The following CSMD1 variants were observed in gnomAD, a reference collection of about 807,000 sequenced individuals.
CSMD1 encodes CUB and Sushi multiple domains 1.
A neutral mutation model predicts 417.5 loss-of-function variants in CSMD1; 213 were observed. That is an observed-to-expected ratio of 0.51 (90% CI 0.46 to 0.57). The LOEUF (loss-of-function observed/expected upper bound fraction) is 0.57, where lower values mean the gene tolerates loss of function less well. CSMD1 is among the 20% of genes least tolerant of loss of function. The pLI, the probability that CSMD1 is intolerant of heterozygous loss-of-function variation, is 0.00. For missense variants in CSMD1, 6,923 were observed against 4,529.7 expected, an observed-to-expected ratio of 1.53 and a Z score of -15.17; for synonymous variants, 2,862 against 1,736.8, an observed-to-expected ratio of 1.65 and a Z score of -16.11.
chr8:4,466,397 A>G (rs1800171495), intron 2 of CSMD1, among the ~76,000 whole-genome samples: 1 of 152,144 alleles, frequency 6.6e-6, no homozygotes, highest in Non-Finnish European at 1.5e-5. Context: ...TGAAGAAAAA[A>G]CAAAGCCAAA....
chr8:3,599,151 C>G (rs201787246), intron 8 of CSMD1, among the ~76,000 whole-genome samples: 22,697 of 119,132 alleles, frequency 0.19, 1,984 homozygotes, highest in Non-Finnish European at 0.24. Flanking sequence ...GTGTGTGTGT[C>G]TGTGTGTGTG....
At chr8:3,603,070 T>G (rs4875242) in intron 8 of CSMD1, among the ~76,000 whole-genome samples, 1 of 152,050 alleles carries the variant, frequency 6.6e-6, no homozygotes, top group African/African-American at 2.4e-5. Context: ...GCCACACAAA[T>G]ATGATCTGAA....
intron 2 of CSMD1, among the ~76,000 whole-genome samples, chr8:4,496,401 A>C (rs1012719535): frequency 5.7e-4 from 87 of 152,244 alleles, no homozygotes; most frequent in African/African-American, 1.9e-3. Context: ...AGAGCTGATG[A>C]GATTCATGTG....
At chr8:4,539,842 C>T (rs1797291748) in intron 2 of CSMD1, among the ~76,000 whole-genome samples, 1 of 152,100 alleles carries the variant, frequency 6.6e-6, no homozygotes. Context: ...ATAGTTTTCC[C>T]AAACTCTTTT....
chr8:2,950,536 C>G (rs961050684), intron 66 of CSMD1, among the ~76,000 whole-genome samples, 193 bp from the exon 67 acceptor site: 1 of 152,122 alleles, frequency 6.6e-6, no homozygotes, highest in Admixed American at 6.6e-5. Flanking sequence ...CTTCTTAAAT[C>G]CTTGTCTATC....
chr8:4,367,183 G>T (rs757325022), intron 3 of CSMD1, among the ~76,000 whole-genome samples: 3 of 152,126 alleles, frequency 2.0e-5, no homozygotes, highest in South Asian at 2.1e-4. Context: ...GTTAGAGCTT[G>T]CATTGAATCC....
intron 3 of CSMD1, among the ~76,000 whole-genome samples, chr8:4,386,228 C>T (rs756765635): frequency 2.0e-5 from 3 of 152,118 alleles, no homozygotes; most frequent in Admixed American, 6.6e-5. Context: ...CCATCCAACT[C>T]AAGCAATACA....
intron 2 of CSMD1, among the ~76,000 whole-genome samples, chr8:4,455,345 T>C (rs969065667): frequency 6.6e-6 from 1 of 152,118 alleles, no homozygotes. Flanking sequence ...ACAAGCAAAC[T>C]AAGTGACACC....
At chr8:3,640,429 T>C (rs1797251235) in intron 7 of CSMD1, among the ~76,000 whole-genome samples, 1 of 152,228 alleles carries the variant, frequency 6.6e-6, no homozygotes, top group African/African-American at 2.4e-5. Context: ...AGAGACCATC[T>C]TTCCTATGTC....
intron 2 of CSMD1, among the ~76,000 whole-genome samples, chr8:4,607,419 C>T (rs761274362): frequency 8.5e-5 from 13 of 152,070 alleles, no homozygotes; most frequent in Admixed American, 1.3e-4. Flanking sequence ...AACAACTTCA[C>T]GTGACTAAGC....
intron 3 of CSMD1, among the ~76,000 whole-genome samples, chr8:4,416,200 T>A (rs1796928428): frequency 6.6e-6 from 1 of 152,186 alleles, no homozygotes; most frequent in Admixed American, 6.6e-5. Context: ...CTGTTTTGAT[T>A]CAGAGCTGCT....
chr8:3,927,043 G>C (rs151216097), intron 5 of CSMD1, among the ~76,000 whole-genome samples: 321 of 151,642 alleles, frequency 2.1e-3, no homozygotes, highest in African/African-American at 7.5e-3. Context: ...TACTTTTTGT[G>C]CTTTATGTTT....
intron 5 of CSMD1, among the ~76,000 whole-genome samples, chr8:3,969,842 C>A (rs888761744): frequency 6.6e-6 from 1 of 152,146 alleles, no homozygotes; most frequent in Non-Finnish European, 1.5e-5. Flanking sequence ...AAGTATCCAT[C>A]TATAAGTGCA....
At chr8:3,713,810 A>G (rs775924534) in intron 6 of CSMD1, among the ~76,000 whole-genome samples, 9 of 152,226 alleles carry the variant, frequency 5.9e-5, no homozygotes, top group Non-Finnish European at 8.8e-5. Context: ...ACTACTTGCA[A>G]ATTTGAAGAA....
At chr8:4,846,590 G>A (rs1264114865) in intron 1 of CSMD1, among the ~76,000 whole-genome samples, 2 of 152,160 alleles carry the variant, frequency 1.3e-5, no homozygotes, top group African/African-American at 4.8e-5. Context: ...ACCCCCTGTA[G>A]GAGGCTCAGC....
At position 2,961,205 on chromosome 8, in the gene CSMD1, T is replaced by C. The variant is rs1019500926; in HGVS notation, c.9638A>G (p.His3213Arg). Residue 3213 changes from histidine (H) to arginine (R), a missense_variant, in exon 62 of 70, where the codon CAT (histidine) becomes CGT (arginine). By Grantham distance (29) the His-to-Arg change is conservative (BLOSUM62 0). Coordinates refer to ENST00000635120, the MANE Select transcript of CSMD1 (RefSeq NM_033225.6). ...CGTACCAGGGTCTGGGCAGGTGTTA[T>C]GAGCAGGATCTGAAATTTGTGATTT... The part of the protein sequence containing the change: ...GIQPTCIDPA[H>R]NTCPDPGTPH... 2.1e-5 allele frequency: 34 copies of C among 1,593,696 alleles called. No homozygotes were observed. In the Admixed American group the frequency reaches 3.5e-4, roughly 17 times the overall value.
intron 54 of CSMD1, among the ~76,000 whole-genome samples, chr8:2,989,782 T>G (rs1442584058): frequency 3.3e-5 from 5 of 152,238 alleles, no homozygotes; most frequent in African/African-American, 1.2e-4. Flanking sequence ...AGCCCACTCT[T>G]TTGAGTTCAG....
Position 3,222,231 on chromosome 8 carries a change from C to T in CSMD1, c.4484+1498G>A, listed in dbSNP as rs552454415. 7.2e-5 allele frequency among the ~76,000 whole-genome samples: 11 copies of T among 152,210 alleles called. No individual in the cohort carries two copies. The South Asian group carries it at 2.3e-3, about 32-fold the overall frequency. On this transcript the variant is annotated intron_variant, in intron 28 of 69. Transcript: ENST00000635120. ...AAAACGCAGTGAAAAAACCCTTGCA[C>T]AAAACTGCCTTAAATATGCATATCA...
chr8:3,180,411 G>A (rs1585573152), intron 37 of CSMD1, among the ~76,000 whole-genome samples: 1 of 152,080 alleles, frequency 6.6e-6, no homozygotes, highest in Non-Finnish European at 1.5e-5. Context: ...AACAGAAAAG[G>A]CTTATGACCA....
Sources: gnomAD v4.1 joint callset for allele counts (sites outside exome capture counted in the v4.1 genomes callset) on GRCh38, gnomAD v4.1.1 for gene constraint, MANE v1.5 for transcripts, NCBI Gene and HGNC (gene_info 2026-07-23, HGNC 2026-07-21) for gene names.